DLGAP1: variants seen among roughly 807,000 people sequenced by gnomAD.
The protein encoded by DLGAP1 is DLG associated protein 1, also known as disks large-associated protein 1.
A neutral mutation model predicts 90.8 loss-of-function variants in DLGAP1; 11 were observed. That is an observed-to-expected ratio of 0.12 (90% CI 0.08 to 0.20). The LOEUF is 0.20. Ranked by LOEUF, DLGAP1 falls within the 10% of genes least tolerant of loss-of-function variation. The pLI is 1.00. For missense variants in DLGAP1, 1,050 were observed against 1,333.8 expected, an observed-to-expected ratio of 0.79 and a Z score of 3.31; for synonymous variants, 558 against 540.7, an observed-to-expected ratio of 1.03 and a Z score of -0.44.
chr18:3,683,521 C>T (rs923879730), intron 7 of DLGAP1, among the ~76,000 whole-genome samples: 14 of 152,112 alleles, frequency 9.2e-5, no homozygotes, highest in African/African-American at 2.4e-4. Flanking sequence ...GGATGATAGA[C>T]GATGCATTTC....
chr18:3,756,798 AG>A (rs1191921219), intron 5 of DLGAP1, among the ~76,000 whole-genome samples: 1 of 152,144 alleles, frequency 6.6e-6, no homozygotes, highest in Non-Finnish European at 1.5e-5. Context: ...GAAAGTAAAA[AG>A]ATTGTAAGAG....
intron 3 of DLGAP1, among the ~76,000 whole-genome samples, chr18:3,996,036 T>A (rs1407463369): frequency 6.6e-6 from 1 of 152,250 alleles, no homozygotes; most frequent in African/African-American, 2.4e-5. Flanking sequence ...GAAGTCTAAG[T>A]AAGCCTAATT....
intron 4 of DLGAP1, among the ~76,000 whole-genome samples, chr18:3,848,327 T>C (rs1443852806): frequency 6.6e-6 from 1 of 151,838 alleles, no homozygotes; most frequent in South Asian, 2.1e-4. Flanking sequence ...AGGACAAATA[T>C]CAAACTCTCA....
At chr18:4,014,627 C>T (rs1291572950) in intron 2 of DLGAP1, among the ~76,000 whole-genome samples, 1 of 152,182 alleles carries the variant, frequency 6.6e-6, no homozygotes. Flanking sequence ...GATCATTACA[C>T]ATTGTATGCA....
chr18:3,524,518 T>C (rs1463682341), intron 10 of DLGAP1, among the ~76,000 whole-genome samples: 1 of 152,196 alleles, frequency 6.6e-6, no homozygotes, highest in African/African-American at 2.4e-5. Context: ...TGCTTCATAA[T>C]AGTCACCAAC....
intron 1 of DLGAP1, among the ~76,000 whole-genome samples, chr18:4,304,591 T>G (rs2080203188): frequency 6.6e-6 from 1 of 152,234 alleles, no homozygotes; most frequent in Non-Finnish European, 1.5e-5. Context: ...TTTAAGAAAA[T>G]GTATTCTAAA....
intron 3 of DLGAP1, among the ~76,000 whole-genome samples, chr18:3,898,105 T>A (rs1304649950): frequency 6.6e-6 from 1 of 152,230 alleles, no homozygotes; most frequent in East Asian, 1.9e-4. Context: ...AATTTCTGAT[T>A]TTTTTCATGT....
intron 3 of DLGAP1, among the ~76,000 whole-genome samples, chr18:3,955,126 G>T (rs1396360465): frequency 6.6e-6 from 1 of 152,134 alleles, no homozygotes; most frequent in African/African-American, 2.4e-5. Context: ...TCCTTGCAGA[G>T]ATAGGAAGAG....
intron 9 of DLGAP1, among the ~76,000 whole-genome samples, chr18:3,566,282 G>T (rs2054422922): frequency 6.6e-6 from 1 of 151,938 alleles, no homozygotes; most frequent in Admixed American, 6.6e-5. Flanking sequence ...TGTCATATTT[G>T]TTTCCAGAAT....
chr18:3,918,843 T>C (rs2072204682), intron 3 of DLGAP1, among the ~76,000 whole-genome samples: 1 of 152,042 alleles, frequency 6.6e-6, no homozygotes, highest in Admixed American at 6.6e-5. Context: ...GGAAGAAATA[T>C]TGTGAAGCTG....
intron 1 of DLGAP1, among the ~76,000 whole-genome samples, chr18:4,431,718 T>G (rs535029002): frequency 1.2e-4 from 19 of 152,358 alleles, no homozygotes; most frequent in African/African-American, 4.6e-4. Flanking sequence ...TTTTCTGTAC[T>G]TTTTCTGATT....
At position 3,509,340 on chromosome 18, in the gene DLGAP1, C is replaced by T. The variant is rs149366764; in HGVS notation, c.2480-679G>A. ...TCATTTTGTTAATATAGGGTGAATT[C>T]CCTAGGCACTGTGCTGAAAATCTCC... On this transcript the variant is annotated intron_variant, in intron 10 of 12. Coordinates refer to ENST00000315677, the MANE Select transcript of DLGAP1 (RefSeq NM_004746.4). Among the ~76,000 whole-genome samples the T allele has an allele frequency of 2.5e-3, 387 of 152,286 alleles. 2 individuals are homozygous for T. Among genetic ancestry groups the T allele is most frequent in the African/African-American group, 8.6e-3 (357 of 41,564 alleles).
chr18:3,621,914 C>T (rs995782982), intron 7 of DLGAP1, among the ~76,000 whole-genome samples: 7 of 151,940 alleles, frequency 4.6e-5, no homozygotes, highest in Admixed American at 2.6e-4. Context: ...TGCAGTGAGC[C>T]GTGATTACAC....
At chr18:4,172,967 T>C (rs1475361188) in intron 1 of DLGAP1, among the ~76,000 whole-genome samples, 1 of 152,234 alleles carries the variant, frequency 6.6e-6, no homozygotes, top group Non-Finnish European at 1.5e-5. Context: ...CTGTTACGTT[T>C]CTTGCAATGT....
At chr18:3,955,746 A>C (rs2073072750) in intron 3 of DLGAP1, among the ~76,000 whole-genome samples, 1 of 152,160 alleles carries the variant, frequency 6.6e-6, no homozygotes, top group Non-Finnish European at 1.5e-5. Flanking sequence ...AGAGACATGA[A>C]AGATATAAAA....
intron 5 of DLGAP1, among the ~76,000 whole-genome samples, chr18:3,793,089 C>T (rs2065815295): frequency 6.6e-6 from 1 of 152,164 alleles, no homozygotes; most frequent in Non-Finnish European, 1.5e-5. Flanking sequence ...ACGACTCGAC[C>T]AATGAAAGGC....
intron 2 of DLGAP1, among the ~76,000 whole-genome samples, chr18:4,018,533 C>T (rs1049100105): frequency 6.6e-6 from 1 of 152,224 alleles, no homozygotes; most frequent in Non-Finnish European, 1.5e-5. Context: ...ACTACAGCAT[C>T]CGCTAAAACC....
At chr18:3,837,806 CA>C (rs2068479264) in intron 4 of DLGAP1, among the ~76,000 whole-genome samples, 1 of 114,970 alleles carries the variant, frequency 8.7e-6, no homozygotes, top group African/African-American at 3.3e-5. Context: ...GAGCCAAGAT[CA>C]AGCCACTGCA....
chr18:4,138,305 G>T (rs1053201060), intron 2 of DLGAP1, among the ~76,000 whole-genome samples: 1 of 149,042 alleles, frequency 6.7e-6, no homozygotes, highest in Admixed American at 6.6e-5. Flanking sequence ...TTTTTTGAAG[G>T]TTTTTCTTTT....
Sources: gnomAD v4.1 joint callset for allele counts (sites outside exome capture counted in the v4.1 genomes callset) on GRCh38, gnomAD v4.1.1 for gene constraint, MANE v1.5 for transcripts, NCBI Gene and HGNC (gene_info 2026-07-23, HGNC 2026-07-21) for gene names.